The following SF3B3 variants were observed in gnomAD, a reference collection of about 807,000 sequenced individuals.
SF3B3 encodes the protein splicing factor 3b subunit 3.
In SF3B3, 33 loss-of-function variants were observed where a neutral mutation model predicts 139.2. The ratio of observed to expected loss-of-function variants is 0.24; its 90% CI spans 0.18 to 0.32. SF3B3 has a LOEUF of 0.32. Ranked by LOEUF, SF3B3 falls within the 10% of genes least tolerant of loss-of-function variation. The pLI, the probability that SF3B3 is intolerant of heterozygous loss-of-function variation, is 1.00. For missense variants in SF3B3, 818 were observed against 1,509.4 expected (o/e 0.54, Z 7.59); for synonymous variants, 596 against 563.6 (o/e 1.06, Z -0.81).
intron 2 of SF3B3, among the ~76,000 whole-genome samples, chr16:70,528,062 A>G (rs1447321217): frequency 6.6e-6 from 1 of 152,040 alleles, no homozygotes; most frequent in African/African-American, 2.4e-5. Context: ...GGCATGAGCT[A>G]CTGTGCCCTG....
chr16:70,566,937 C>G (rs541533891), intron 20 of SF3B3, among the ~76,000 whole-genome samples: 49 of 152,082 alleles, frequency 3.2e-4, no homozygotes, highest in Middle Eastern at 3.4e-3. Context: ...GTAGTCCCAG[C>G]TACTCGGGAG....
At position 70,528,939 on chromosome 16, in the gene SF3B3, A is replaced by G. The variant is rs1033193110; in HGVS notation, c.137A>G (p.Asn46Ser). 4 of 1,614,120 alleles carry G rather than the reference A, an allele frequency of 2.5e-6. No individual in the cohort carries two copies. The highest frequency in any genetic ancestry group is 3.4e-6 in the Non-Finnish European group (4 of 1,179,992). ...KILELLRPDP[N>S]TGKVHTLLTV... The stretch of plus-strand genomic sequence containing the variant: ...TTGGAGCTGCTTCGCCCAGACCCCA[A>G]CACTGGCAAAGTACATACCCTACTC... Residue 46 changes from asparagine to serine, a missense_variant, in exon 3 of 26, where the codon AAC (asparagine) becomes AGC (serine). This residue lies in a region of SF3B3 where 144 missense variants were observed against 259.2 expected (regional missense o/e 0.56). Transcript: ENST00000302516.
In SF3B3 at chr16:70,575,196, C is replaced by CTTTTTTTTTTTCTTTTTTTTT. The variant is rs2050566976; in HGVS notation, c.*3394_*3395insCTTTTTTTTTTTTTTTTTTTT. The CTTTTTTTTTTTCTTTTTTTTT allele has an allele frequency of 9.1e-6, 1 of 110,008 alleles. No individual in the cohort carries two copies. The highest frequency in any genetic ancestry group is 1.8e-5 in the Non-Finnish European group (1 of 54,750). 6.8% of individuals were successfully genotyped at this position (110,008 alleles called of 1,614,324 possible). On this transcript the variant is annotated 3_prime_UTR_variant, in exon 26 of 26. Transcript: ENST00000302516. Reference sequence around the variant, plus strand: ...TTTTCTTTTTCTTTTTCTTTTTTTTCTTTTTTTTTTTTTTTTTTTTGAGAT... The same window carrying CTTTTTTTTTTTCTTTTTTTTT: ...TTTTCTTTTTCTTTTTCTTTTTTTTCTTTTTTTTTTTCTTTTTTTTTTTTTTTTTTTTTTTTTTTTTGAGAT...
chr16:70,554,181 C>T (rs905197119), intron 11 of SF3B3: 26 of 330,862 alleles, frequency 7.9e-5, no homozygotes, highest in East Asian at 1.9e-4. Context: ...CTCATGTCTC[C>T]GATTCTCTTG....
At chr16:70,553,489 C>T (rs780174797) in intron 11 of SF3B3, among the ~76,000 whole-genome samples, 103 of 152,102 alleles carry the variant, frequency 6.8e-4, no homozygotes, top group South Asian at 1.0e-3. Context: ...TTTTTTTAAC[C>T]TGATTTCTGG....
chr16:70,568,424 T>G lies in SF3B3; in HGVS notation c.3094T>G (p.Trp1032Gly). 6.2e-7 allele frequency: 1 copy of G among 1,614,124 alleles called. No homozygotes were observed. Among genetic ancestry groups the G allele is most frequent in the Non-Finnish European group, 8.5e-7 (1 of 1,179,960 alleles). Residue 1032 changes from tryptophan (W) to glycine (G), a missense_variant, in exon 22 of 26, where the codon TGG (tryptophan) becomes GGG (glycine). This residue lies in a region of SF3B3 where 91 missense variants were observed against 171.8 expected (regional missense o/e 0.53). Transcript: ENST00000302516. ...IIFADDTYPR[W>G]VTTASLLDYD... ...CTTTGCTGATGATACCTACCCCCGA[T>G]GGGTCACTACAGCCAGCCTCCTGGA...
At chr16:70,550,129 A>G (rs1438277857) in intron 11 of SF3B3, 1 of 151,900 alleles carries the variant, frequency 6.6e-6, no homozygotes, top group Admixed American at 6.6e-5. Flanking sequence ...TTCTTTCAGG[A>G]TAAGTTTAGT....
intron 11 of SF3B3, among the ~76,000 whole-genome samples, chr16:70,553,840 A>C (rs2050352943): frequency 6.6e-6 from 1 of 152,108 alleles, no homozygotes; most frequent in Non-Finnish European, 1.5e-5. Flanking sequence ...ATAGTGAAAA[A>C]CCAGAGAGGT....
rs1482893936 is a variant in SF3B3, at chr16:70,547,393, C to G, written c.1330-977C>G. On this transcript the variant is annotated intron_variant, in intron 10 of 25. Transcript: ENST00000302516. ...TGATTTTAAATTTATAAAAAAATTG[C>G]AAAGACAGTACAGAGAGTTCCTGTA... 2.0e-5 allele frequency among the ~76,000 whole-genome samples: 3 copies of G among 152,226 alleles called. No individual in the cohort carries two copies. In the East Asian group the frequency reaches 5.8e-4, roughly 29 times the overall value.
rs1019347811 is a variant in SF3B3 at position 70,572,006 on chromosome 16, T to C, written c.*193T>C. 1.1e-5 allele frequency: 8 copies of C among 712,254 alleles called. No individual in the cohort carries two copies. Among genetic ancestry groups the C allele is most frequent in the Non-Finnish European group, 1.9e-5 (8 of 413,364 alleles). 44.1% of individuals were successfully genotyped at this position (712,254 alleles called of 1,614,324 possible). On this transcript the variant is annotated 3_prime_UTR_variant, in exon 26 of 26. Coordinates refer to ENST00000302516, the MANE Select transcript of SF3B3 (RefSeq NM_012426.5). ...CTTCCCCTCAAATTGGCACTGAGAT[T>C]TGCTACACTTCTCCCCACCTGGTAC... is the stretch of plus-strand genomic sequence containing the variant.
Position 70,528,584 on chromosome 16 carries a change from C to T in SF3B3, c.71-289C>T, listed in dbSNP as rs190635531. 1.0e-2 allele frequency among the ~76,000 whole-genome samples: 1,510 copies of T among 151,626 alleles called. 9 individuals carry two copies. Among genetic ancestry groups the T allele is most frequent in the Non-Finnish European group, 0.015 (1,028 of 67,928 alleles). On this transcript the variant is annotated intron_variant, in intron 2 of 25. Transcript: ENST00000302516. Reference sequence around the variant, plus strand: ...AACTCCTGGGTTCAAACTGTCCTCCCACGTAGCTGGGACTAGAGGCACAGG... The same window carrying T: ...AACTCCTGGGTTCAAACTGTCCTCCTACGTAGCTGGGACTAGAGGCACAGG...
intron 10 of SF3B3, 83 bp from the exon 11 acceptor site, chr16:70,548,287 A>C: frequency 1.8e-6 from 2 of 1,124,944 alleles, no homozygotes; most frequent in Non-Finnish European, 2.7e-6. Flanking sequence ...CCTGCCTTTG[A>C]GACCTTATTT....
chr16:70,546,709 CAA>C (rs145105935), intron 10 of SF3B3, among the ~76,000 whole-genome samples: 4,832 of 152,186 alleles, frequency 0.032, 280 homozygotes, highest in African/African-American at 0.11. Flanking sequence ...ATAAATGACT[CAA>C]GAATCATTTT....
rs1168223453 is a variant in SF3B3, at chr16:70,542,976, G to A, written c.1233+1142G>A. Among the ~76,000 whole-genome samples the A allele has an allele frequency of 3.3e-5, 5 of 152,062 alleles. No homozygotes were observed. The East Asian group carries it at 9.7e-4, about 29-fold the overall frequency. ...CTGACCTCGTGATCCGCCTGCCTTG[G>A]TCTCCCAAAGTGCTGGGATTATAGG... On this transcript the variant is annotated intron_variant, in intron 9 of 25. Coordinates refer to ENST00000302516, the MANE Select transcript of SF3B3 (RefSeq NM_012426.5).
intron 24 of SF3B3, among the ~76,000 whole-genome samples, 163 bp from the exon 25 acceptor site, chr16:70,570,932 A>G (rs1313014805): frequency 6.6e-6 from 1 of 152,178 alleles, no homozygotes; most frequent in Non-Finnish European, 1.5e-5. Context: ...GGGTTTAACT[A>G]TCGTGTTGTA....
At position 70,563,893 on chromosome 16, in the gene SF3B3, A is replaced by G; in HGVS notation, c.2306A>G (p.Lys769Arg). 1 of 1,613,884 alleles carries G rather than the reference A, an allele frequency of 6.2e-7. No homozygotes were observed. Residue 769 changes from lysine to arginine, a missense_variant, in exon 18 of 26, where the codon AAG (lysine) becomes AGG (arginine). Coordinates refer to ENST00000302516, the MANE Select transcript of SF3B3 (RefSeq NM_012426.5). ...TNTLRILALE[K>R]LGAVFNQVAF... ...TGTCATAGGATTTTGGCATTAGAGA[A>G]GCTCGGTGCTGTCTTCAATCAAGTA...
intron 18 of SF3B3, 146 bp downstream of exon 18, chr16:70,564,196 C>T (rs1182387002): frequency 4.1e-6 from 3 of 740,324 alleles, no homozygotes; most frequent in Non-Finnish European, 6.5e-6. Flanking sequence ...CATAGCAAAA[C>T]TGCACCTCTA....
rs767416447 is a variant in SF3B3 at position 70,556,930 on chromosome 16, T to C, written c.1911T>C (p.Pro637=). 14 of 1,614,126 alleles carry C rather than the reference T, an allele frequency of 8.7e-6. No individual in the cohort carries two copies. The highest frequency in any genetic ancestry group is 1.0e-5 in the Non-Finnish European group (12 of 1,179,978). The change falls in exon 15 of 26, where the codon CCT becomes CCC. Residue 637 remains proline, a synonymous_variant. Transcript: ENST00000302516. The part of the protein sequence containing the change: ...PLSMQALPAQ[P]ESLCIVEMGG... ...GCATGCAGGCTCTCCCAGCCCAGCC[T>C]GAGTCCTTGTGTATCGTGGAAATGG...
In SF3B3 at chr16:70,523,912, A is replaced by G; in HGVS notation, c.-87A>G. 6.5e-6 allele frequency: 3 copies of G among 464,920 alleles called. No homozygotes were observed. The highest frequency in any genetic ancestry group is 1.1e-5 in the Non-Finnish European group (3 of 264,492). 28.8% of individuals were successfully genotyped at this position (464,920 alleles called of 1,614,324 possible). ...GTAGCATCCGTTGGATATCCACACC[A>G]TCCTTCTCGCTGCAGGGTAAAAAAA... On this transcript the variant is annotated 5_prime_UTR_variant, in exon 1 of 26. Coordinates refer to ENST00000302516, the MANE Select transcript of SF3B3 (RefSeq NM_012426.5).
Sources: allele counts gnomAD v4.1 joint callset (sites outside exome capture counted in the v4.1 genomes callset), GRCh38; gene constraint gnomAD v4.1.1; regional missense constraint gnomAD v4.1.1; transcripts MANE v1.5; gene names NCBI Gene and HGNC (gene_info 2026-07-23, HGNC 2026-07-21).